Variants in WRN observed in about 807,000 individuals in gnomAD.
WRN encodes WRN RecQ like helicase, also known as bifunctional 3'-5' exonuclease/ATP-dependent helicase WRN.
In WRN, 149 loss-of-function variants were observed where a neutral mutation model predicts 180.7. The observed-to-expected ratio is 0.82, with a 90% CI of 0.72 to 0.94. WRN has a LOEUF of 0.94. WRN is among the 40% of genes least tolerant of loss of function. The pLI is 0.00. For synonymous variants in WRN, 548 were observed against 568.9 expected (o/e 0.96, Z 0.52); for missense variants, 1,661 against 1,700.1 (o/e 0.98, Z 0.40).
At chr8:31,052,113 C>G (rs567864225) in intron 1 of WRN, among the ~76,000 whole-genome samples, 2 of 152,036 alleles carry the variant, frequency 1.3e-5, no homozygotes, top group Non-Finnish European at 2.9e-5. Context: ...TACTGTCTAA[C>G]CCTTTAGAGA....
In WRN at chr8:31,111,692, TC is replaced by T; in HGVS notation, c.2168del (p.Pro723LeufsTer15). ...DIVRCLNLRN[P>X]QITCTGFDRP... ...TTGTACGTTGCTTAAATCTGAGAAA[TC>T]CTCAGATCACCTGTACTGGTTTTGA... On this transcript the variant is annotated frameshift_variant, in exon 19 of 35. Transcript: ENST00000298139. LOFTEE classifies it high-confidence loss of function. 6.2e-7 allele frequency: 1 copy of T among 1,614,080 alleles called. No homozygotes were observed. Among genetic ancestry groups the T allele is most frequent in the Non-Finnish European group, 8.5e-7 (1 of 1,179,990 alleles).
intron 8 of WRN, among the ~76,000 whole-genome samples, chr8:31,080,038 G>C (rs546788594): frequency 6.6e-6 from 1 of 152,062 alleles, no homozygotes; most frequent in African/African-American, 2.4e-5. Context: ...ATGCCACCAA[G>C]CCCAGCTAAT....
chr8:31,109,661 C>G (rs1801229807), intron 18 of WRN, among the ~76,000 whole-genome samples: 1 of 152,128 alleles, frequency 6.6e-6, no homozygotes, highest in African/African-American at 2.4e-5. Context: ...TTATTTCATG[C>G]ATTATGTTCA....
chr8:31,163,215 G>A (rs1252707465), intron 33 of WRN, among the ~76,000 whole-genome samples: 1 of 152,180 alleles, frequency 6.6e-6, no homozygotes, highest in Admixed American at 6.5e-5. Flanking sequence ...GAGGGAAATG[G>A]TAAAGAAAAA....
intron 34 of WRN, among the ~76,000 whole-genome samples, chr8:31,169,813 T>C (rs554555886): frequency 6.6e-6 from 1 of 152,200 alleles, no homozygotes; most frequent in African/African-American, 2.4e-5. Flanking sequence ...TTAACCCCAG[T>C]GGTTTCTCCT....
At chr8:31,093,760 T>G (rs1813850310) in intron 16 of WRN, among the ~76,000 whole-genome samples, 1 of 152,198 alleles carries the variant, frequency 6.6e-6, no homozygotes, top group Non-Finnish European at 1.5e-5. Flanking sequence ...ACCTTTTTGT[T>G]TTAACCCCAG....
At chr8:31,168,653 C>T (rs1458756638) in intron 34 of WRN, among the ~76,000 whole-genome samples, 1 of 152,094 alleles carries the variant, frequency 6.6e-6, no homozygotes, top group Admixed American at 6.6e-5. Context: ...GTAAGTCATC[C>T]AAAGCATATG....
At chr8:31,066,978 G>A in intron 5 of WRN, 55 bp from the exon 6 acceptor site, 1 of 1,597,376 alleles carries the variant, frequency 6.3e-7, no homozygotes, top group Non-Finnish European at 8.6e-7. Context: ...ATATCATTTG[G>A]TAATACCTGA....
chr8:31,111,803 A>G lies in WRN; in HGVS notation c.2273+4A>G, dbSNP rs1801330235. The G allele has an allele frequency of 6.2e-7, 1 of 1,613,642 alleles. No individual in the cohort carries two copies. Among genetic ancestry groups the G allele is most frequent in the African/African-American group, 1.3e-5 (1 of 74,868 alleles). On this transcript the variant is annotated splice_donor_region_variant and intron_variant, in intron 19 of 34. Coordinates refer to ENST00000298139, the MANE Select transcript of WRN (RefSeq NM_000553.6). ...AGCCATTTCTTGTCAAAACAAGGTA[A>G]GGATTTAATGGTTGATGAATTTTGG...
Position 31,100,849 on chromosome 8 carries a change from G to T in WRN, c.1982G>T (p.Gly661Val), listed in dbSNP as rs755426500. ...TTTATGTGTTTTTCTTTTTTTACAGGTATCACGCTCATTGCTGTGGATGAG... is the reference window on the plus strand; with the variant it reads ...TTTATGTGTTTTTCTTTTTTTACAGTTATCACGCTCATTGCTGTGGATGAG... The part of the protein sequence containing the change: ...GLLQQLEADI[G>V]ITLIAVDEAH... Residue 661 changes from glycine (G) to valine (V), a missense_variant and splice_region_variant, in exon 18 of 35, where the codon GGT becomes GTT. This residue lies in a region of WRN where 1,141 missense variants were observed against 1,149.4 expected (regional missense o/e 0.99). Coordinates refer to ENST00000298139, the MANE Select transcript of WRN (RefSeq NM_000553.6). 1.2e-6 allele frequency: 2 copies of T among 1,611,944 alleles called. No individual in the cohort carries two copies. The highest frequency in any genetic ancestry group is 1.1e-5 in the South Asian group (1 of 91,000).
chr8:31,042,495 TAGTC>T (rs1811697869), intron 1 of WRN, among the ~76,000 whole-genome samples: 1 of 152,218 alleles, frequency 6.6e-6, no homozygotes, highest in Non-Finnish European at 1.5e-5. Context: ...TTGTAACTAA[TAGTC>T]AGCCCTTCAT....
intron 3 of WRN, among the ~76,000 whole-genome samples, chr8:31,059,570 A>T (rs940946624): frequency 6.6e-6 from 1 of 152,182 alleles, no homozygotes. Flanking sequence ...AAGATGTTAT[A>T]TATAGAGCTA....
chr8:31,109,570 A>G (rs1257635800), intron 18 of WRN, among the ~76,000 whole-genome samples: 2 of 152,180 alleles, frequency 1.3e-5, no homozygotes. Flanking sequence ...CATGTCTCTG[A>G]AGTTGTTATA....
intron 21 of WRN, among the ~76,000 whole-genome samples, chr8:31,121,568 C>A (rs1438216190): frequency 6.6e-6 from 1 of 151,892 alleles, no homozygotes; most frequent in Non-Finnish European, 1.5e-5. Flanking sequence ...AAAAAGGAAT[C>A]ATGCAACATA....
At position 31,065,004 on chromosome 8, in the gene WRN, C is replaced by G. The variant is rs752693894; in HGVS notation, c.445C>G (p.Arg149Gly). 1.2e-6 allele frequency: 2 copies of G among 1,613,578 alleles called. No homozygotes were observed. Among genetic ancestry groups the G allele is most frequent in the South Asian group, 2.2e-5 (2 of 91,056 alleles). ...GIEGDQWKLL[R>G]DFDIKLKNFV... ...TGAAGGAGATCAGTGGAAACTTCTA[C>G]GTGACTTTGATATCAAATTGAAGAA... is the stretch of plus-strand genomic sequence containing the variant. Residue 149 changes from arginine (R) to glycine (G), a missense_variant, in exon 5 of 35, where the codon CGT becomes GGT. By Grantham distance (125) the Arg-to-Gly change is moderately radical. Coordinates refer to ENST00000298139, the MANE Select transcript of WRN (RefSeq NM_000553.6).
chr8:31,125,537 GATATATATATAT>G lies in WRN; in HGVS notation c.2825+558_2825+569del, dbSNP rs71206299. ...GAAATAGGACGATTGATATTATGGA[GATATATATATAT>G]ATATATATATATATATATATGGGGA... On this transcript the variant is annotated intron_variant, in intron 23 of 34. Coordinates refer to ENST00000298139, the MANE Select transcript of WRN (RefSeq NM_000553.6). Among the ~76,000 whole-genome samples the G allele has an allele frequency of 4.8e-3, 304 of 63,768 alleles. 17 individuals are homozygous for G. The highest frequency in any genetic ancestry group is 9.3e-3 in the African/African-American group (162 of 17,342). 41.8% of individuals were successfully genotyped at this position (63,768 alleles called of 152,430 possible). A position where few individuals can be genotyped will look rare whatever the true frequency, so the allele number is the denominator to read the frequency against.
chr8:31,052,159 A>G (rs1433481858), intron 1 of WRN, among the ~76,000 whole-genome samples: 1 of 152,220 alleles, frequency 6.6e-6, no homozygotes, highest in Non-Finnish European at 1.5e-5. Context: ...AGTATGAAAA[A>G]ATATAGCCTT....
At chr8:31,160,281 A>T (rs1445609346) in intron 33 of WRN, among the ~76,000 whole-genome samples, 1 of 152,216 alleles carries the variant, frequency 6.6e-6, no homozygotes. Flanking sequence ...TTACGAATTA[A>T]CGATGTAAGT....
At chr8:31,146,003 T>C (rs1422643693) in intron 28 of WRN, among the ~76,000 whole-genome samples, 1 of 151,838 alleles carries the variant, frequency 6.6e-6, no homozygotes, top group Non-Finnish European at 1.5e-5. Flanking sequence ...ATACCTATAC[T>C]TGATATAAAA....
Sources: allele counts gnomAD v4.1 joint callset (sites outside exome capture counted in the v4.1 genomes callset), GRCh38; gene constraint gnomAD v4.1.1; regional missense constraint gnomAD v4.1.1; transcripts MANE v1.5; gene names NCBI Gene and HGNC (gene_info 2026-07-23, HGNC 2026-07-21).